The following USP54 variants were observed in gnomAD, a reference collection of about 807,000 sequenced individuals.
USP54 encodes ubiquitin carboxyl-terminal hydrolase 54.
In USP54, 87 loss-of-function variants were observed where a neutral mutation model predicts 170.5. That is an observed-to-expected ratio of 0.51 (90% CI 0.43 to 0.61). USP54 has a LOEUF of 0.61. Among genes scored for constraint, USP54 ranks in the 20% least tolerant of loss-of-function variants. The pLI is 0.00. For missense variants in USP54, 1,786 were observed against 2,047.8 expected, an observed-to-expected ratio of 0.87 and a Z score of 2.47; for synonymous variants, 655 against 742.8, an observed-to-expected ratio of 0.88 and a Z score of 1.92.
chr10:73,587,770 T>G (rs1233516512), intron 1 of USP54, among the ~76,000 whole-genome samples: 1 of 152,172 alleles, frequency 6.6e-6, no homozygotes, highest in East Asian at 1.9e-4. Context: ...ATAATGTAGA[T>G]ACGTATAATT....
At chr10:73,596,626 G>A (rs539606120) in intron 1 of USP54, among the ~76,000 whole-genome samples, 104 of 150,806 alleles carry the variant, frequency 6.9e-4, no homozygotes, top group African/African-American at 2.4e-3. Context: ...GGCTGGGGCA[G>A]GAGAATCACT....
chr10:73,577,448 C>T (rs1319667103), intron 1 of USP54, among the ~76,000 whole-genome samples: 4 of 152,116 alleles, frequency 2.6e-5, no homozygotes, highest in Non-Finnish European at 5.9e-5. Flanking sequence ...GATTATACAG[C>T]CTACTGTCAC....
At chr10:73,566,274 A>C (rs919033340) in intron 4 of USP54, among the ~76,000 whole-genome samples, 1 of 151,424 alleles carries the variant, frequency 6.6e-6, no homozygotes, top group African/African-American at 2.4e-5. Context: ...ATGAAAATGA[A>C]CTAGACCTAC....
chr10:73,583,216 G>GT (rs1293651091), intron 1 of USP54, among the ~76,000 whole-genome samples: 3 of 152,202 alleles, frequency 2.0e-5, no homozygotes, highest in African/African-American at 7.2e-5. Context: ...TGAGATTCCA[G>GT]ATAGGATCCT....
At chr10:73,607,924 G>A (rs926735298) in intron 1 of USP54, among the ~76,000 whole-genome samples, 9 of 151,640 alleles carry the variant, frequency 5.9e-5, no homozygotes, top group Admixed American at 1.3e-4. Flanking sequence ...TGCAGTGTGC[G>A]AAGTGTTAAG....
At chr10:73,527,498 C>CAAAAAAAAA (rs931778033) in intron 15 of USP54, among the ~76,000 whole-genome samples, 3 of 52,124 alleles carry the variant, frequency 5.8e-5, no homozygotes, top group African/African-American at 1.5e-4. Flanking sequence ...CACTCCATCT[C>CAAAAAAAAA]AAAAAAAAAA....
chr10:73,503,052 C>T (rs142991862), intron 22 of USP54, among the ~76,000 whole-genome samples: 1,955 of 152,258 alleles, frequency 0.013, 21 homozygotes, highest in Non-Finnish European at 0.019. Context: ...CTCTATCCTT[C>T]CAAACTACTT....
rs774886358 is a variant in USP54 at position 73,498,650 on chromosome 10, G to A, written c.5034C>T (p.Val1678=). 6 of 1,547,898 alleles carry A rather than the reference G, an allele frequency of 3.9e-6. No individual in the cohort carries two copies. Among genetic ancestry groups the A allele is most frequent in the Non-Finnish European group, 5.2e-6 (6 of 1,146,802 alleles). ...APRREQIRAR[V]LQHSQW ...ACCTTTACCATTGACTGTGCTGCAGGACTCTAGCCCTGATCTGCTCTCTTC... is the reference window on the plus strand; with the variant it reads ...ACCTTTACCATTGACTGTGCTGCAGAACTCTAGCCCTGATCTGCTCTCTTC... Residue 1678 remains valine (V), a synonymous_variant, in exon 24 of 24, where the codon GTC becomes GTT. Transcript: ENST00000687698.
intron 15 of USP54, among the ~76,000 whole-genome samples, chr10:73,527,483 C>T (rs112576154): frequency 0.044 from 5,616 of 128,256 alleles, 355 homozygotes; most frequent in African/African-American, 0.15. Flanking sequence ...GGTGACAGAG[C>T]GAGACACTCC....
At chr10:73,545,395 G>C in intron 5 of USP54, 143 bp downstream of exon 5, 1 of 1,114,760 alleles carries the variant, frequency 9.0e-7, no homozygotes, top group Non-Finnish European at 1.3e-6. Context: ...AGACATTTTA[G>C]ATCCCTGAAA....
chr10:73,505,080 A>G lies in USP54; in HGVS notation c.4171-90T>C, dbSNP rs1221477113. The G allele has an allele frequency of 1.9e-6, 3 of 1,566,878 alleles. No homozygotes were observed. The African/African-American group carries it at 4.1e-5, about 21-fold the overall frequency. The stretch of plus-strand genomic sequence containing the variant: ...GTATCCTCAGGGTATGGGAAAGAGT[A>G]GGGGAAGACTCAGTAGTAATAGACA... On this transcript the variant is annotated intron_variant, in intron 21 of 23. Coordinates refer to ENST00000687698, the MANE Select transcript of USP54 (RefSeq NM_001391956.1).
intron 22 of USP54, among the ~76,000 whole-genome samples, chr10:73,501,059 T>C (rs1470158835): frequency 2.6e-5 from 4 of 152,170 alleles, no homozygotes; most frequent in Admixed American, 6.5e-5. Context: ...TTAACCAGTC[T>C]TCCTCATATC....
Position 73,523,745 on chromosome 10 carries a change from C to A in USP54, c.2200G>T (p.Glu734Ter). The change falls in exon 17 of 24, where the codon GAG (glutamate) becomes TAG (stop). Residue 734 changes from glutamate (E) to a stop codon, truncating the protein, a stop_gained. Transcript: ENST00000687698. LOFTEE classifies it high-confidence loss of function. ...WTKSQPFSGE[E>*]ISSKSELDEL... ...TCCAGTTCACTTTTAGAAGATATCT[C>A]CTCACCTGTAATATAAGCAAGGGAG... is the stretch of plus-strand genomic sequence containing the variant. The A allele has an allele frequency of 6.2e-7, 1 of 1,612,266 alleles. No homozygotes were observed. The highest frequency in any genetic ancestry group is 1.1e-5 in the South Asian group (1 of 90,814).
chr10:73,501,536 C>A (rs911676503), intron 22 of USP54, among the ~76,000 whole-genome samples: 1 of 152,208 alleles, frequency 6.6e-6, no homozygotes, highest in Admixed American at 6.5e-5. Flanking sequence ...ACCTTGATTT[C>A]CCACTTCCCA....
chr10:73,550,358 T>A (rs2068975890), intron 4 of USP54, among the ~76,000 whole-genome samples: 1 of 152,214 alleles, frequency 6.6e-6, no homozygotes, highest in African/African-American at 2.4e-5. Context: ...AATCACTCAT[T>A]TCCTGTGGAT....
chr10:73,625,617 T>A (rs546257435), exon 1 of USP54: 1 of 152,678 alleles, frequency 6.5e-6, no homozygotes, highest in East Asian at 1.9e-4. Context: ...CAATGTAGCC[T>A]GGTCCCTTTA....
chr10:73,552,068 T>C (rs1014168979), intron 4 of USP54, among the ~76,000 whole-genome samples: 1 of 152,140 alleles, frequency 6.6e-6, no homozygotes, highest in Non-Finnish European at 1.5e-5. Flanking sequence ...GACGGTATGG[T>C]GTAATGGTTA....
chr10:73,620,399 G>A (rs552279908), intron 1 of USP54, among the ~76,000 whole-genome samples: 7 of 149,344 alleles, frequency 4.7e-5, no homozygotes, highest in East Asian at 3.9e-4. Context: ...CTGGTTGACC[G>A]CTAAGCATTC....
chr10:73,596,210 T>A (rs1258525259), upstream of USP54, among the ~76,000 whole-genome samples: 1 of 151,104 alleles, frequency 6.6e-6, no homozygotes, highest in African/African-American at 2.4e-5. Flanking sequence ...TCATTTGAGG[T>A]CAGGAGTTCA....
Sources: gnomAD v4.1 joint callset for allele counts (sites outside exome capture counted in the v4.1 genomes callset) on GRCh38, gnomAD v4.1.1 for gene constraint, MANE v1.5 for transcripts, NCBI Gene and HGNC (gene_info 2026-07-23, HGNC 2026-07-21) for gene names.